Variants in ITGBL1 observed in about 807,000 individuals in gnomAD.
The protein encoded by ITGBL1 is integrin subunit beta like 1, also known as integrin beta-like protein 1.
A neutral mutation model predicts 68.5 loss-of-function variants in ITGBL1; 51 were observed. The observed-to-expected ratio is 0.74, with a 90% CI of 0.59 to 0.94. The LOEUF (loss-of-function observed/expected upper bound fraction) is 0.94. Among genes scored for constraint, ITGBL1 ranks in the 40% least tolerant of loss-of-function variants. The probability of loss-of-function intolerance (pLI) is 0.00; values close to 1 mark genes in which losing one functional copy is unlikely to be tolerated. For missense variants in ITGBL1, 649 were observed against 647.4 expected (o/e 1.00, Z -0.03); for synonymous variants, 209 against 227.3 (o/e 0.92, Z 0.72).
chr13:101,605,728 A>G (rs2139352252), intron 7 of ITGBL1, among the ~76,000 whole-genome samples: 1 of 151,602 alleles, frequency 6.6e-6, no homozygotes, highest in South Asian at 2.1e-4. Flanking sequence ...ATGCGTGTAC[A>G]CGTATGTAGA....
intron 2 of ITGBL1, among the ~76,000 whole-genome samples, chr13:101,470,804 A>G (rs1441368633): frequency 6.6e-6 from 1 of 152,156 alleles, no homozygotes; most frequent in Non-Finnish European, 1.5e-5. Context: ...TAATCATCCT[A>G]TATGCTTATT....
At chr13:101,482,303 A>G (rs1426439247) in intron 2 of ITGBL1, among the ~76,000 whole-genome samples, 1 of 149,398 alleles carries the variant, frequency 6.7e-6, no homozygotes, top group Non-Finnish European at 1.5e-5. Flanking sequence ...TTGCATGTTA[A>G]AAAGAAAAAC....
At chr13:101,496,912 C>T (rs1354958112) in intron 2 of ITGBL1, among the ~76,000 whole-genome samples, 2 of 152,128 alleles carry the variant, frequency 1.3e-5, no homozygotes, top group African/African-American at 4.8e-5. Context: ...ATTAGGTAAA[C>T]AGGATCTGTT....
At chr13:101,673,639 A>G (rs561527594) in intron 7 of ITGBL1, among the ~76,000 whole-genome samples, 25 of 152,220 alleles carry the variant, frequency 1.6e-4, no homozygotes, top group Non-Finnish European at 2.4e-4. Context: ...ATATTATTAC[A>G]TAAACTAGAA....
intron 7 of ITGBL1, among the ~76,000 whole-genome samples, chr13:101,599,852 G>C (rs1220658441): frequency 6.6e-6 from 1 of 152,180 alleles, no homozygotes; most frequent in Non-Finnish European, 1.5e-5. Flanking sequence ...TTGTAGTATA[G>C]TTTGAAGTCA....
At chr13:101,476,531 A>C (rs1594832988) in intron 2 of ITGBL1, among the ~76,000 whole-genome samples, 1 of 152,084 alleles carries the variant, frequency 6.6e-6, no homozygotes, top group Non-Finnish European at 1.5e-5. Context: ...CTCTAATCAA[A>C]AGACATGGAG....
chr13:101,683,485 T>G (rs151056517), intron 7 of ITGBL1, among the ~76,000 whole-genome samples: 5 of 152,040 alleles, frequency 3.3e-5, no homozygotes, highest in Non-Finnish European at 5.9e-5. Flanking sequence ...TTGATGAACA[T>G]TTGGGGCATT....
At chr13:101,568,229 C>A (rs1209826594) in intron 3 of ITGBL1, among the ~76,000 whole-genome samples, 1 of 152,044 alleles carries the variant, frequency 6.6e-6, no homozygotes, top group Admixed American at 6.5e-5. Context: ...CAAAATAGAA[C>A]CAAATACTTT....
intron 2 of ITGBL1, among the ~76,000 whole-genome samples, chr13:101,499,028 A>G (rs570034357): frequency 6.6e-6 from 1 of 152,280 alleles, no homozygotes; most frequent in South Asian, 2.1e-4. Context: ...CCATGATTCA[A>G]TTATCTCCCT....
chr13:101,475,290 A>G (rs528236557), intron 2 of ITGBL1, among the ~76,000 whole-genome samples: 30 of 152,322 alleles, frequency 2.0e-4, no homozygotes, highest in Admixed American at 4.6e-4. Flanking sequence ...AATTCAGTTG[A>G]CATACTGAAG....
At chr13:101,632,149 C>G (rs9585739) in intron 7 of ITGBL1, among the ~76,000 whole-genome samples, 1 of 141,530 alleles carries the variant, frequency 7.1e-6, no homozygotes. Context: ...CTCTCTCTCT[C>G]TATATATATA....
chr13:101,667,790 T>C (rs557777335), intron 7 of ITGBL1, among the ~76,000 whole-genome samples: 2 of 152,274 alleles, frequency 1.3e-5, no homozygotes, highest in East Asian at 3.9e-4. Context: ...ATGTGTTATG[T>C]TGTATGTTGT....
intron 2 of ITGBL1, among the ~76,000 whole-genome samples, chr13:101,543,508 A>T (rs61976164): frequency 0.029 from 4,388 of 151,662 alleles, 95 homozygotes; most frequent in Non-Finnish European, 0.046. Flanking sequence ...CCTCATTTCA[A>T]CTTTGGTGAA....
At chr13:101,558,576 C>G (rs1431743275) in intron 2 of ITGBL1, among the ~76,000 whole-genome samples, 1 of 152,128 alleles carries the variant, frequency 6.6e-6, no homozygotes, top group Non-Finnish European at 1.5e-5. Flanking sequence ...TTCTCTCGTT[C>G]CCTTCTCAGG....
chr13:101,628,716 A>C (rs2031877238), intron 7 of ITGBL1, among the ~76,000 whole-genome samples: 1 of 151,588 alleles, frequency 6.6e-6, no homozygotes, highest in Non-Finnish European at 1.5e-5. Flanking sequence ...CTGGGATTAC[A>C]GGCGTGAGCC....
At chr13:101,638,187 A>AC (rs1456406323) in intron 7 of ITGBL1, among the ~76,000 whole-genome samples, 4 of 152,218 alleles carry the variant, frequency 2.6e-5, no homozygotes, top group Non-Finnish European at 5.9e-5. Flanking sequence ...AGAGTCAATG[A>AC]CATTATTTTA....
At chr13:101,546,528 AGTCAAAT>A (rs1259382878) in intron 2 of ITGBL1, among the ~76,000 whole-genome samples, 1 of 152,208 alleles carries the variant, frequency 6.6e-6, no homozygotes, top group Non-Finnish European at 1.5e-5. Context: ...TAATTTAAAA[AGTCAAAT>A]GTTAAGTCTT....
intron 2 of ITGBL1, among the ~76,000 whole-genome samples, chr13:101,507,284 C>T (rs1055126546): frequency 2.5e-4 from 38 of 152,124 alleles, no homozygotes; most frequent in African/African-American, 6.8e-4. Flanking sequence ...TGCTTTACCC[C>T]GGCACCAAGG....
intron 8 of ITGBL1, among the ~76,000 whole-genome samples, chr13:101,700,790 G>GT (rs1393016546): frequency 6.6e-6 from 1 of 152,074 alleles, no homozygotes; most frequent in Non-Finnish European, 1.5e-5. Flanking sequence ...CTTTTCATTT[G>GT]TTTTTCTAGG....
Sources: allele counts gnomAD v4.1 joint callset (sites outside exome capture counted in the v4.1 genomes callset), GRCh38; gene constraint gnomAD v4.1.1; transcripts MANE v1.5; gene names NCBI Gene and HGNC (gene_info 2026-07-23, HGNC 2026-07-21).